The following TRPC6 variants were observed in gnomAD, a reference collection of about 807,000 sequenced individuals.
TRPC6 encodes the protein short transient receptor potential channel 6.
Under a neutral mutation model 90.7 loss-of-function variants are expected in TRPC6, and 55 were observed. The observed-to-expected ratio is 0.61, with a 90% CI of 0.49 to 0.76. TRPC6 has a LOEUF of 0.76. Among genes scored for constraint, TRPC6 ranks in the 30% least tolerant of loss-of-function variants. TRPC6 has a pLI of 0.00. For missense variants in TRPC6, 989 were observed against 1,122.7 expected (o/e 0.88, Z 1.70); for synonymous variants, 393 against 393.0 (o/e 1.00, Z 0.00).
At chr11:101,580,235 G>T (rs1037875113) in intron 1 of TRPC6, among the ~76,000 whole-genome samples, 17 of 152,138 alleles carry the variant, frequency 1.1e-4, no homozygotes, top group African/African-American at 3.9e-4. Context: ...AAATGTCTGG[G>T]ATTCTTCCCC....
At chr11:101,529,310 C>G (rs1283635971) in intron 1 of TRPC6, among the ~76,000 whole-genome samples, 1 of 152,148 alleles carries the variant, frequency 6.6e-6, no homozygotes, top group Admixed American at 6.5e-5. Flanking sequence ...AAATCAGAGT[C>G]TAGGCTAAAT....
At chr11:101,583,066 G>A (rs1862234621) in intron 1 of TRPC6, 1 of 579,094 alleles carries the variant, frequency 1.7e-6, no homozygotes, top group South Asian at 7.6e-5. Context: ...TGCAATGGTG[G>A]TGTTACTATG....
intron 2 of TRPC6, among the ~76,000 whole-genome samples, chr11:101,496,561 A>G (rs1859953830): frequency 6.6e-6 from 1 of 152,248 alleles, no homozygotes; most frequent in Admixed American, 6.5e-5. Flanking sequence ...TAGATATGTC[A>G]GCCTTTTTCT....
chr11:101,456,871 T>C (rs1478495450), intron 10 of TRPC6, among the ~76,000 whole-genome samples: 1 of 152,162 alleles, frequency 6.6e-6, no homozygotes, highest in Non-Finnish European at 1.5e-5. Context: ...CATATTTTAT[T>C]TTCAGAAAAA....
intron 5 of TRPC6, among the ~76,000 whole-genome samples, chr11:101,480,786 A>C (rs1859533788): frequency 6.6e-6 from 1 of 152,220 alleles, no homozygotes. Flanking sequence ...GACATAAAAA[A>C]TAAACTATGA....
chr11:101,503,964 T>C (rs890880170), intron 2 of TRPC6, 60 bp downstream of exon 2: 1 of 1,607,078 alleles, frequency 6.2e-7, no homozygotes, highest in East Asian at 2.2e-5. Flanking sequence ...TGGGGGAAGC[T>C]GGTAAATACA....
intron 1 of TRPC6, among the ~76,000 whole-genome samples, chr11:101,515,919 A>G (rs1860507713): frequency 6.6e-6 from 1 of 152,120 alleles, no homozygotes; most frequent in African/African-American, 2.4e-5. Context: ...ATTTATTAAA[A>G]GTTTTTACTA....
intron 1 of TRPC6, among the ~76,000 whole-genome samples, chr11:101,519,319 C>A (rs1197857498): frequency 7.5e-5 from 3 of 40,032 alleles, no homozygotes; most frequent in African/African-American, 3.7e-4. Context: ...ATATATACAC[C>A]TATGTACCCA....
At position 101,583,457 on chromosome 11, in the gene TRPC6, C is replaced by G. The variant is rs1007967905; in HGVS notation, c.47G>C (p.Arg16Pro). The G allele has an allele frequency of 1.3e-6, 2 of 1,533,260 alleles. No homozygotes were observed. Among genetic ancestry groups the G allele is most frequent in the Non-Finnish European group, 1.8e-6 (2 of 1,138,578 alleles). 95.0% of individuals were successfully genotyped at this position (1,533,260 alleles called of 1,614,324 possible). The stretch of plus-strand genomic sequence containing the variant: ...CCGCGCAGCGGCTCCGGCAGCGCCC[C>G]GGGGAGAACTGCCCCTCCGGGGCCC... ...AFGPRRGSSP[R>P]GAAGAAARRN... The change falls in exon 1 of 13, where the codon CGG becomes CCG. Residue 16 changes from arginine (R) to proline (P), a missense_variant. By Grantham distance (103) the Arg-to-Pro change is moderately radical. This residue lies in a region of TRPC6 where 194 missense variants were observed against 136.5 expected (regional missense o/e 1.42). Transcript: ENST00000344327.
At chr11:101,485,935 C>T (rs1232908901) in intron 4 of TRPC6, among the ~76,000 whole-genome samples, 2 of 152,080 alleles carry the variant, frequency 1.3e-5, no homozygotes, top group Non-Finnish European at 2.9e-5. Context: ...CTGGCCCCTA[C>T]CTGGCTTCCC....
intron 1 of TRPC6, among the ~76,000 whole-genome samples, chr11:101,568,586 G>C (rs1487352852): frequency 6.6e-6 from 1 of 152,058 alleles, no homozygotes; most frequent in Non-Finnish European, 1.5e-5. Context: ...GTGAAATGAA[G>C]GAAAAAATGT....
intron 1 of TRPC6, among the ~76,000 whole-genome samples, chr11:101,539,928 C>T (rs1861132907): frequency 6.6e-6 from 1 of 152,120 alleles, no homozygotes; most frequent in African/African-American, 2.4e-5. Flanking sequence ...AAGGAACAGC[C>T]ATTCAGAGTC....
At chr11:101,507,496 T>C (rs2071521435) in intron 1 of TRPC6, among the ~76,000 whole-genome samples, 1 of 152,094 alleles carries the variant, frequency 6.6e-6, no homozygotes, top group South Asian at 2.1e-4. Context: ...TTTATCTGAG[T>C]TGACTTCTTT....
At chr11:101,497,897 AAG>A (rs1859991283) in intron 2 of TRPC6, among the ~76,000 whole-genome samples, 1 of 152,190 alleles carries the variant, frequency 6.6e-6, no homozygotes, top group South Asian at 2.1e-4. Flanking sequence ...ATGTTCCCAA[AAG>A]AGGGGATTTT....
chr11:101,566,638 T>G (rs572065085), intron 1 of TRPC6, among the ~76,000 whole-genome samples: 1 of 151,958 alleles, frequency 6.6e-6, no homozygotes, highest in African/African-American at 2.4e-5. Context: ...CCCAGCGAGA[T>G]AGACGCAGAA....
At chr11:101,570,911 T>C (rs929269770) in intron 1 of TRPC6, among the ~76,000 whole-genome samples, 1 of 152,142 alleles carries the variant, frequency 6.6e-6, no homozygotes, top group Non-Finnish European at 1.5e-5. Context: ...ACAGCCAATA[T>C]CATACTGAAT....
intron 8 of TRPC6, 49 bp from the exon 9 acceptor site, chr11:101,471,435 T>C (rs747872077): frequency 1.3e-6 from 2 of 1,587,668 alleles, no homozygotes; most frequent in Non-Finnish European, 1.7e-6. Flanking sequence ...TAAACAGAAT[T>C]ACTGGGATGC....
intron 1 of TRPC6, among the ~76,000 whole-genome samples, chr11:101,532,319 C>A (rs1383320861): frequency 6.6e-6 from 1 of 152,128 alleles, no homozygotes; most frequent in Non-Finnish European, 1.5e-5. Flanking sequence ...AATTGGAAAC[C>A]AGATAAAATG....
chr11:101,581,264 G>A (rs932540735), intron 1 of TRPC6, among the ~76,000 whole-genome samples: 3 of 152,188 alleles, frequency 2.0e-5, no homozygotes, highest in Admixed American at 2.0e-4. Flanking sequence ...AATACTGCAT[G>A]TTGAGGACAG....
Sources: allele counts gnomAD v4.1 joint callset (sites outside exome capture counted in the v4.1 genomes callset), GRCh38; gene constraint gnomAD v4.1.1; regional missense constraint gnomAD v4.1.1; transcripts MANE v1.5; gene names NCBI Gene and HGNC (gene_info 2026-07-23, HGNC 2026-07-21).